WWOX: variants seen among roughly 807,000 people sequenced by gnomAD.
WWOX encodes the protein WW domain-containing oxidoreductase.
Under a neutral mutation model 46.2 loss-of-function variants are expected in WWOX, and 69 were observed. That is an observed-to-expected ratio of 1.49 (90% confidence interval 1.23 to 1.82). WWOX has a LOEUF of 1.82. WWOX is among the 40% of genes most tolerant of loss of function. The probability of loss-of-function intolerance (pLI) is 0.00; values close to 1 mark genes in which losing one functional copy is unlikely to be tolerated. For synonymous variants in WWOX, 359 were observed against 202.6 expected, an observed-to-expected ratio of 1.77 and a Z score of -6.56; for missense variants, 919 against 542.6, an observed-to-expected ratio of 1.69 and a Z score of -6.89.
chr16:78,374,133 C>A (rs749912388), intron 5 of WWOX, among the ~76,000 whole-genome samples: 4 of 152,188 alleles, frequency 2.6e-5, no homozygotes, highest in Non-Finnish European at 5.9e-5. Context: ...ATCTGAGTTA[C>A]TCCATACATC....
intron 6 of WWOX, among the ~76,000 whole-genome samples, chr16:78,416,453 G>C (rs565270168): frequency 5.3e-5 from 8 of 152,174 alleles, no homozygotes. Flanking sequence ...TTAGGTACAG[G>C]ATACATATTT....
chr16:78,579,974 G>T (rs913941098), intron 8 of WWOX, among the ~76,000 whole-genome samples: 1 of 152,134 alleles, frequency 6.6e-6, no homozygotes, highest in African/African-American at 2.4e-5. Context: ...TCTGAGTCAT[G>T]CCAGCGTTTA....
At chr16:78,532,090 T>C (rs1358204169) in intron 8 of WWOX, among the ~76,000 whole-genome samples, 2 of 151,496 alleles carry the variant, frequency 1.3e-5, no homozygotes, top group Admixed American at 6.6e-5. Context: ...TTTTCCCTTA[T>C]GCATTTGGGA....
At chr16:78,611,341 C>G (rs13333606) in intron 8 of WWOX, among the ~76,000 whole-genome samples, 15,672 of 152,170 alleles carry the variant, frequency 0.1, 1,359 homozygotes, top group African/African-American at 0.24. Flanking sequence ...ACAAAAATAA[C>G]AAAACTACAG....
chr16:78,867,390 A>T (rs192768270), intron 8 of WWOX, among the ~76,000 whole-genome samples: 1 of 152,268 alleles, frequency 6.6e-6, no homozygotes, highest in East Asian at 1.9e-4. Context: ...TCTTTTACAC[A>T]TCTTACCTCA....
intron 8 of WWOX, among the ~76,000 whole-genome samples, chr16:79,074,320 C>G (rs756750748): frequency 6.8e-5 from 10 of 148,018 alleles, no homozygotes; most frequent in Non-Finnish European, 1.5e-4. Flanking sequence ...ATTTCCCACA[C>G]TTTAAATGAG....
At chr16:79,066,018 C>T (rs2048434492) in intron 8 of WWOX, among the ~76,000 whole-genome samples, 1 of 152,194 alleles carries the variant, frequency 6.6e-6, no homozygotes, top group Non-Finnish European at 1.5e-5. Flanking sequence ...CATTAAAGTC[C>T]AAATCCAGTC....
intron 8 of WWOX, among the ~76,000 whole-genome samples, chr16:79,056,010 A>T (rs2048255186): frequency 6.6e-6 from 1 of 152,172 alleles, no homozygotes; most frequent in African/African-American, 2.4e-5. Context: ...TCTATTTAGC[A>T]AGTACTTTCC....
chr16:78,831,882 G>T (rs548206596), intron 8 of WWOX, among the ~76,000 whole-genome samples: 32 of 152,234 alleles, frequency 2.1e-4, no homozygotes, highest in Middle Eastern at 3.4e-3. Context: ...TGGCAGGTTC[G>T]CATATTGGTG....
intron 7 of WWOX, among the ~76,000 whole-genome samples, chr16:78,432,040 T>C (rs1468261283): frequency 1.3e-5 from 2 of 152,128 alleles, no homozygotes; most frequent in African/African-American, 4.8e-5. Context: ...TAAATCACCA[T>C]TGTCAATCTT....
At chr16:78,700,874 T>C (rs1478276831) in intron 8 of WWOX, among the ~76,000 whole-genome samples, 1 of 152,180 alleles carries the variant, frequency 6.6e-6, no homozygotes, top group Non-Finnish European at 1.5e-5. Context: ...TTGAGGTTTA[T>C]TGAAAACCAA....
intron 8 of WWOX, among the ~76,000 whole-genome samples, chr16:78,597,914 G>A (rs1455022144): frequency 6.6e-6 from 1 of 151,764 alleles, no homozygotes; most frequent in Non-Finnish European, 1.5e-5. Context: ...TTCAGACACT[G>A]TAAAACTACT....
chr16:79,045,641 C>G (rs2048050295), intron 8 of WWOX, among the ~76,000 whole-genome samples: 2 of 152,146 alleles, frequency 1.3e-5, no homozygotes, highest in South Asian at 4.1e-4. Flanking sequence ...GGCAGAGGCA[C>G]CTGAGTTTTG....
At chr16:78,438,124 A>G (rs1181656577) in intron 8 of WWOX, among the ~76,000 whole-genome samples, 1 of 152,180 alleles carries the variant, frequency 6.6e-6, no homozygotes, top group Admixed American at 6.5e-5. Context: ...ATGCAGATTG[A>G]CCATTTTCCC....
intron 8 of WWOX, among the ~76,000 whole-genome samples, chr16:79,069,281 G>A (rs1023724287): frequency 1.1e-4 from 16 of 152,184 alleles, no homozygotes; most frequent in African/African-American, 3.1e-4. Context: ...GTTCTCTTAC[G>A]CACTCAGCGA....
At chr16:79,027,091 G>A (rs1050048656) in intron 8 of WWOX, among the ~76,000 whole-genome samples, 1 of 151,420 alleles carries the variant, frequency 6.6e-6, no homozygotes, top group Admixed American at 6.6e-5. Context: ...ACCAGCCTTG[G>A]CAACATGGTG....
At chr16:78,622,308 C>T (rs1025334763) in intron 8 of WWOX, among the ~76,000 whole-genome samples, 5 of 151,918 alleles carry the variant, frequency 3.3e-5, no homozygotes, top group Non-Finnish European at 7.4e-5. Flanking sequence ...TTTGGGACGC[C>T]GAGGCAGGCA....
At chr16:78,169,527 T>C (rs534624161) in intron 5 of WWOX, among the ~76,000 whole-genome samples, 15 of 152,088 alleles carry the variant, frequency 9.9e-5, no homozygotes, top group Admixed American at 2.6e-4. Flanking sequence ...TATCAAAACA[T>C]ACTTCATGAA....
chr16:78,966,856 GA>G (rs1332388137), intron 8 of WWOX, among the ~76,000 whole-genome samples: 1 of 152,160 alleles, frequency 6.6e-6, no homozygotes, highest in African/African-American at 2.4e-5. Context: ...TGTGAAATGG[GA>G]AAAATAATAG....
Sources: gnomAD v4.1 joint callset for allele counts (sites outside exome capture counted in the v4.1 genomes callset) on GRCh38, gnomAD v4.1.1 for gene constraint, MANE v1.5 for transcripts, NCBI Gene and HGNC (gene_info 2026-07-23, HGNC 2026-07-21) for gene names.